Variants in CAMSAP2 observed in about 807,000 individuals in gnomAD.
CAMSAP2 encodes the protein calmodulin regulated spectrin associated protein family member 2.
A neutral mutation model predicts 146.1 loss-of-function variants in CAMSAP2; 26 were observed. The observed-to-expected ratio is 0.18, with a 90% confidence interval of 0.13 to 0.25. The LOEUF (loss-of-function observed/expected upper bound fraction) is 0.25, where lower values mean the gene tolerates loss of function less well. Among genes scored for constraint, CAMSAP2 ranks in the 10% least tolerant of loss-of-function variants. CAMSAP2 has a pLI of 1.00. For missense variants in CAMSAP2, 1,381 were observed against 1,759.3 expected, an observed-to-expected ratio of 0.78 and a Z score of 3.85; for synonymous variants, 499 against 596.6, an observed-to-expected ratio of 0.84 and a Z score of 2.38.
chr1:200,740,021 G>C (rs1171124356), intron 1 of CAMSAP2, 55 bp downstream of exon 1: 3 of 1,591,480 alleles, frequency 1.9e-6, no homozygotes, highest in Non-Finnish European at 2.6e-6. Flanking sequence ...TCCACATCTC[G>C]GTTTTTGTTC....
intron 2 of CAMSAP2, among the ~76,000 whole-genome samples, chr1:200,769,602 C>T (rs1242972482): frequency 1.3e-5 from 2 of 152,182 alleles, no homozygotes; most frequent in African/African-American, 2.4e-5. Flanking sequence ...TCTTTGGGTT[C>T]AGTTAATTTG....
At chr1:200,745,307 G>C (rs139039649) in intron 1 of CAMSAP2, among the ~76,000 whole-genome samples, 1 of 151,826 alleles carries the variant, frequency 6.6e-6, no homozygotes, top group African/African-American at 2.4e-5. Flanking sequence ...GACATCTCCA[G>C]ATGTCTCCTG....
intron 1 of CAMSAP2, among the ~76,000 whole-genome samples, chr1:200,740,990 A>G (rs960726055): frequency 6.6e-6 from 1 of 152,210 alleles, no homozygotes; most frequent in Admixed American, 6.5e-5. Context: ...AAATTTCCAC[A>G]TGTTAAATAT....
intron 2 of CAMSAP2, among the ~76,000 whole-genome samples, chr1:200,782,278 C>T (rs1272868453): frequency 6.6e-6 from 1 of 152,134 alleles, no homozygotes; most frequent in Non-Finnish European, 1.5e-5. Flanking sequence ...CATTGATGTC[C>T]TAAGGTCAGA....
Position 200,832,956 on chromosome 1 carries a change from G to A in CAMSAP2, c.927+111G>A, listed in dbSNP as rs1571811582. On this transcript the variant is annotated intron_variant, in intron 6 of 16. Transcript: ENST00000358823. The surrounding 1 kb of genome is among the most constrained non-coding windows in gnomAD (Gnocchi z 4.2). The stretch of plus-strand genomic sequence containing the variant: ...CATGCCTGTAATCCCAGTACTTTGG[G>A]AGGACAAGGTGGGAGGATTGCTTAA... The A allele has an allele frequency of 2.1e-6, 2 of 948,038 alleles. No homozygotes were observed. The highest frequency in any genetic ancestry group is 2.9e-6 in the Non-Finnish European group (2 of 683,428). The allele number at this position is 948,038 out of a possible 1,614,324, so 58.7% of individuals were successfully genotyped here. A position where few individuals can be genotyped will look rare whatever the true frequency, so the allele number is the denominator to read the frequency against.
chr1:200,786,976 G>T (rs1665611326), intron 2 of CAMSAP2, among the ~76,000 whole-genome samples: 1 of 149,904 alleles, frequency 6.7e-6, no homozygotes. Context: ...TTTATAGCAT[G>T]GTTTACTGGA....
intron 1 of CAMSAP2, among the ~76,000 whole-genome samples, chr1:200,742,720 G>A (rs1664214590): frequency 6.6e-6 from 1 of 152,002 alleles, no homozygotes; most frequent in Non-Finnish European, 1.5e-5. Flanking sequence ...CTGATTTGGT[G>A]TTTTCTATTA....
chr1:200,813,127 A>G (rs1213105111), intron 3 of CAMSAP2, among the ~76,000 whole-genome samples: 3 of 152,220 alleles, frequency 2.0e-5, no homozygotes, highest in Non-Finnish European at 4.4e-5. Context: ...TCCCAGATCA[A>G]GGTGCCAGCA....
At chr1:200,855,441 TTC>T (rs1265180837) in intron 14 of CAMSAP2, among the ~76,000 whole-genome samples, 2 of 152,014 alleles carry the variant, frequency 1.3e-5, no homozygotes, top group African/African-American at 4.8e-5. Context: ...CATCTTAGAG[TTC>T]TTATCTTTGT....
chr1:200,782,257 T>C (rs1665454850), intron 2 of CAMSAP2, among the ~76,000 whole-genome samples: 1 of 152,204 alleles, frequency 6.6e-6, no homozygotes, highest in South Asian at 2.1e-4. Context: ...AAGATGAGGC[T>C]GAGTGAAGTC....
rs964932073 is a variant in CAMSAP2, at chr1:200,828,472, A to G, written c.646-3728A>G. On this transcript the variant is annotated intron_variant, in intron 4 of 16. Coordinates refer to ENST00000358823, the MANE Select transcript of CAMSAP2 (RefSeq NM_203459.4). ...ATGAGAACTATAAACTTGGAACTCC[A>G]CTATCAGAAGCTTTACTATAATTTG... The G allele has an allele frequency of 8.9e-6, 10 of 1,117,394 alleles. No homozygotes were observed. The African/African-American group carries it at 1.6e-4, about 18-fold the overall frequency. 69.2% of individuals were successfully genotyped at this position (1,117,394 alleles called of 1,614,324 possible). A position where few individuals can be genotyped will look rare whatever the true frequency, so the allele number is the denominator to read the frequency against.
chr1:200,790,907 C>A (rs1665731834), intron 2 of CAMSAP2, among the ~76,000 whole-genome samples: 2 of 151,828 alleles, frequency 1.3e-5, no homozygotes, highest in Non-Finnish European at 1.5e-5. Context: ...TGCAATGGTG[C>A]CATCTTGGCT....
At chr1:200,749,216 C>G (rs1030681682) in intron 1 of CAMSAP2, among the ~76,000 whole-genome samples, 1 of 152,192 alleles carries the variant, frequency 6.6e-6, no homozygotes, top group African/African-American at 2.4e-5. Flanking sequence ...AGGACCAGAG[C>G]TGAGGTTTGA....
intron 1 of CAMSAP2, among the ~76,000 whole-genome samples, chr1:200,747,040 C>T (rs921348210): frequency 2.0e-5 from 3 of 152,120 alleles, no homozygotes; most frequent in Non-Finnish European, 4.4e-5. Context: ...TTTTGAGTAG[C>T]TGGGACTACA....
chr1:200,781,373 C>T (rs915855037), intron 2 of CAMSAP2, among the ~76,000 whole-genome samples: 7 of 152,076 alleles, frequency 4.6e-5, no homozygotes, highest in African/African-American at 1.7e-4. Context: ...GGTGGACAGG[C>T]CTGAGCTGCC....
chr1:200,856,476 G>C (rs977929705), intron 15 of CAMSAP2, among the ~76,000 whole-genome samples: 2 of 152,138 alleles, frequency 1.3e-5, no homozygotes, highest in African/African-American at 4.8e-5. Context: ...TGCACCTTTA[G>C]CAAGTATTAA....
intron 2 of CAMSAP2, among the ~76,000 whole-genome samples, chr1:200,806,743 T>TTGTGTGTG (rs138066870): frequency 1.4e-5 from 2 of 145,034 alleles, no homozygotes; most frequent in Admixed American, 7.1e-5. Context: ...TTCCATATAA[T>TTGTGTGTG]TGTGTGTGTG....
chr1:200,841,398 C>A (rs1667319532), intron 6 of CAMSAP2, among the ~76,000 whole-genome samples: 1 of 152,170 alleles, frequency 6.6e-6, no homozygotes, highest in African/African-American at 2.4e-5. Context: ...AGGCACGCGC[C>A]ACCACACCCG....
At chr1:200,795,899 C>T (rs554591151) in intron 2 of CAMSAP2, among the ~76,000 whole-genome samples, 10 of 152,140 alleles carry the variant, frequency 6.6e-5, no homozygotes, top group East Asian at 1.9e-4. Context: ...TGCTGATAGT[C>T]GCATGCTAGT....
Sources: allele counts gnomAD v4.1 joint callset (sites outside exome capture counted in the v4.1 genomes callset), GRCh38; gene constraint gnomAD v4.1.1; non-coding constraint Gnocchi (gnomAD v3.1); transcripts MANE v1.5; gene names NCBI Gene and HGNC (gene_info 2026-07-23, HGNC 2026-07-21).